The following WDR27 variants were observed in gnomAD, a reference collection of about 807,000 sequenced individuals.
The protein encoded by WDR27 is WD repeat domain 27, also known as WD repeat-containing protein 27.
In WDR27, 100 loss-of-function variants were observed where a neutral mutation model predicts 114.4. That is an observed-to-expected ratio of 0.87 (90% CI 0.74 to 1.03). The LOEUF is 1.03. Ranked by LOEUF, WDR27 falls within the 50% of genes least tolerant of loss-of-function variation. The pLI is 0.00. For synonymous variants in WDR27, 449 were observed against 423.1 expected, an observed-to-expected ratio of 1.06 and a Z score of -0.75; for missense variants, 1,129 against 1,092.9, an observed-to-expected ratio of 1.03 and a Z score of -0.47.
intron 2 of WDR27, among the ~76,000 whole-genome samples, chr6:169,683,662 T>C (rs921739993): frequency 1.3e-5 from 2 of 152,036 alleles, no homozygotes; most frequent in African/African-American, 4.8e-5. Flanking sequence ...AGCATAGAGG[T>C]ACCTAGCCTC....
At chr6:169,471,808 T>C (rs576493370) in intron 25 of WDR27, among the ~76,000 whole-genome samples, 1 of 152,286 alleles carries the variant, frequency 6.6e-6, no homozygotes, top group South Asian at 2.1e-4. Context: ...ACAACAGAAA[T>C]GTATTGCTCA....
At chr6:169,551,697 A>G (rs1798124682) in intron 25 of WDR27, among the ~76,000 whole-genome samples, 1 of 143,324 alleles carries the variant, frequency 7.0e-6, no homozygotes, top group African/African-American at 2.6e-5. Context: ...AGATTGCGCC[A>G]TTGCACTCCA....
At chr6:169,635,063 C>T (rs533786404) in intron 19 of WDR27, among the ~76,000 whole-genome samples, 2 of 152,322 alleles carry the variant, frequency 1.3e-5, no homozygotes, top group East Asian at 3.9e-4. Context: ...AAGCTCCCTC[C>T]CAGTAAGTAA....
chr6:169,436,326 C>T, the WDR27 span, among the ~76,000 whole-genome samples: 2 of 152,108 alleles, frequency 1.3e-5, no homozygotes, highest in Non-Finnish European at 2.9e-5. Context: ...TTATATTTTT[C>T]TCTACCAGAT....
At chr6:169,619,250 C>G (rs1452798619) in intron 21 of WDR27, among the ~76,000 whole-genome samples, 1 of 152,192 alleles carries the variant, frequency 6.6e-6, no homozygotes, top group Admixed American at 6.5e-5. Context: ...GGAAATTAGA[C>G]GGTCACCATG....
chr6:169,599,143 C>A (rs1012512255), intron 23 of WDR27, among the ~76,000 whole-genome samples: 2 of 150,348 alleles, frequency 1.3e-5, no homozygotes, highest in Non-Finnish European at 3.0e-5. Context: ...CCCCCCTCCC[C>A]CCACACCACA....
Position 169,511,854 on chromosome 6 carries a change from T to C in WDR27, c.2646-54220A>G, listed in dbSNP as rs16888091. Among the ~76,000 whole-genome samples the C allele has an allele frequency of 5.8e-3, 883 of 152,318 alleles. 28 individuals carry two copies. In the East Asian group the frequency reaches 0.081, roughly 14 times the overall value. ...TGGGTGAATGGATAATTTACTGTTT[T>C]ATAATCTTTAAACAATAAAATCCAT... On this transcript the variant is annotated intron_variant, in intron 25 of 25. Coordinates refer to ENST00000448612, the MANE Select transcript of WDR27 (RefSeq NM_182552.5).
Position 169,684,666 on chromosome 6 carries a change from T to C in WDR27, c.189+4151A>G, listed in dbSNP as rs917527571. On this transcript the variant is annotated intron_variant, in intron 2 of 25. Coordinates refer to ENST00000448612, the MANE Select transcript of WDR27 (RefSeq NM_182552.5). This position sits in a 1 kb window ranked among gnomAD's most constrained non-coding sequence, Gnocchi z 4.3. ...GGGACTGAGAAGCAGTCCTGTGGGT[T>C]TCCCCCAGCAGATATGCTCTCAGAC... Among the ~76,000 whole-genome samples the C allele has an allele frequency of 6.6e-6, 1 of 152,202 alleles. No individual in the cohort carries two copies. Among genetic ancestry groups the C allele is most frequent in the Non-Finnish European group, 1.5e-5 (1 of 68,036 alleles).
At chr6:169,525,550 G>GA (rs375912036) in intron 25 of WDR27, among the ~76,000 whole-genome samples, 3,847 of 135,208 alleles carry the variant, frequency 0.028, 65 homozygotes, top group Non-Finnish European at 0.044. Flanking sequence ...AAAAAAAAAA[G>GA]AAAAAAGAAA....
intron 25 of WDR27, among the ~76,000 whole-genome samples, chr6:169,519,588 A>G (rs1664543976): frequency 6.6e-6 from 1 of 152,054 alleles, no homozygotes; most frequent in South Asian, 2.1e-4. Flanking sequence ...TTGTAAGGAG[A>G]GCACCAAGCC....
intron 1 of WDR27, among the ~76,000 whole-genome samples, chr6:169,701,210 GTTTT>G (rs935732190): frequency 5.3e-5 from 8 of 151,996 alleles, no homozygotes; most frequent in African/African-American, 1.9e-4. Flanking sequence ...GTGCATTTCC[GTTTT>G]TTTAATGTAC....
At chr6:169,693,959 T>G (rs905358317) in intron 1 of WDR27, among the ~76,000 whole-genome samples, 6 of 152,152 alleles carry the variant, frequency 3.9e-5, no homozygotes, top group East Asian at 1.9e-4. Context: ...AAAGAAAGAA[T>G]GGACTTAAAC....
intron 13 of WDR27, among the ~76,000 whole-genome samples, chr6:169,652,232 TTTGTTGTTGTTGTTTTG>T (rs990466253): frequency 4.6e-5 from 7 of 152,114 alleles, no homozygotes; most frequent in Non-Finnish European, 1.0e-4. Context: ...AGTTGGTTGT[TTTGTTGTTGTTGTTTTG>T]TTGTTGTTGT....
intron 14 of WDR27, among the ~76,000 whole-genome samples, chr6:169,651,650 T>C (rs2128244294): frequency 6.6e-6 from 1 of 152,212 alleles, no homozygotes; most frequent in South Asian, 2.1e-4. Flanking sequence ...CCCCACCAGC[T>C]TCCCCTCACC....
intron 23 of WDR27, among the ~76,000 whole-genome samples, chr6:169,601,115 C>T (rs182970070): frequency 4.6e-5 from 7 of 152,256 alleles, no homozygotes; most frequent in Admixed American, 2.6e-4. Flanking sequence ...GCTGATCTCT[C>T]GGGAGAAACT....
chr6:169,454,130 CAGAA>C (rs1462039086), downstream of WDR27, among the ~76,000 whole-genome samples: 1 of 152,086 alleles, frequency 6.6e-6, no homozygotes, highest in Non-Finnish European at 1.5e-5. Flanking sequence ...AAATTTTTGT[CAGAA>C]AGGAGAAAAG....
intron 21 of WDR27, among the ~76,000 whole-genome samples, chr6:169,619,197 C>G (rs1812565270): frequency 6.6e-6 from 1 of 152,118 alleles, no homozygotes; most frequent in African/African-American, 2.4e-5. Context: ...AACCTCTTAA[C>G]AAAAAGCTAA....
intron 21 of WDR27, among the ~76,000 whole-genome samples, chr6:169,621,177 C>A (rs1217024352): frequency 1.3e-5 from 2 of 152,278 alleles, no homozygotes; most frequent in East Asian, 3.9e-4. Flanking sequence ...CACATGCATG[C>A]ACATATACAT....
intron 22 of WDR27, among the ~76,000 whole-genome samples, chr6:169,603,576 A>G (rs1425942755): frequency 6.6e-6 from 1 of 152,198 alleles, no homozygotes; most frequent in Non-Finnish European, 1.5e-5. Flanking sequence ...ATGCAGCTTT[A>G]TATCCTGCTA....
Sources: gnomAD v4.1 joint callset for allele counts (sites outside exome capture counted in the v4.1 genomes callset) on GRCh38, gnomAD v4.1.1 for gene constraint, Gnocchi (gnomAD v3.1) non-coding constraint, MANE v1.5 for transcripts, NCBI Gene and HGNC (gene_info 2026-07-23, HGNC 2026-07-21) for gene names.